The following DCC variants were observed in gnomAD, a reference collection of about 807,000 sequenced individuals.
DCC encodes netrin receptor DCC.
DCC carries 58 observed loss-of-function variants against 172.5 expected under a neutral mutation model. The observed-to-expected ratio is 0.34, with a 90% CI of 0.27 to 0.42. DCC has a LOEUF of 0.42. DCC is among the 10% of genes least tolerant of loss of function. The pLI is 1.00. For missense variants in DCC, 1,740 were observed against 1,791.0 expected, an observed-to-expected ratio of 0.97 and a Z score of 0.51; for synonymous variants, 709 against 644.5, an observed-to-expected ratio of 1.10 and a Z score of -1.52.
chr18:52,572,371 C>T (rs2033319933), intron 1 of DCC, among the ~76,000 whole-genome samples: 1 of 152,070 alleles, frequency 6.6e-6, no homozygotes, highest in Non-Finnish European at 1.5e-5. Flanking sequence ...TTAAACTACT[C>T]TGTTTTTCCA....
intron 1 of DCC, among the ~76,000 whole-genome samples, chr18:52,412,144 G>A (rs925294151): frequency 5.9e-5 from 9 of 151,922 alleles, no homozygotes; most frequent in Admixed American, 2.6e-4. Flanking sequence ...GTATACAAAT[G>A]TATATCATTA....
At chr18:52,477,824 C>G (rs1177969125) in intron 1 of DCC, among the ~76,000 whole-genome samples, 1 of 152,080 alleles carries the variant, frequency 6.6e-6, no homozygotes, top group Non-Finnish European at 1.5e-5. Context: ...CCTCCTCTTT[C>G]CCCAATAAAC....
At chr18:53,315,361 A>G (rs2057331292) in intron 13 of DCC, among the ~76,000 whole-genome samples, 1 of 152,192 alleles carries the variant, frequency 6.6e-6, no homozygotes, top group South Asian at 2.1e-4. Context: ...GCAGTCTATC[A>G]TTGATGGGCA....
chr18:52,861,011 CAAAAA>C (rs74178687), intron 2 of DCC, among the ~76,000 whole-genome samples: 30 of 120,954 alleles, frequency 2.5e-4, no homozygotes, highest in Middle Eastern at 4.5e-3. Context: ...GAATCCATTT[CAAAAA>C]AAAAAAAAAA....
At chr18:52,504,570 G>T (rs2144634314) in intron 1 of DCC, among the ~76,000 whole-genome samples, 1 of 152,270 alleles carries the variant, frequency 6.6e-6, no homozygotes, top group African/African-American at 2.4e-5. Flanking sequence ...GGCTTGGTTG[G>T]GATCCCTGGC....
chr18:53,431,752 G>A (rs531848112), intron 21 of DCC, among the ~76,000 whole-genome samples: 87 of 152,138 alleles, frequency 5.7e-4, no homozygotes, highest in African/African-American at 2.0e-3. Context: ...CCAAAGTTCT[G>A]GGATTACAGG....
intron 1 of DCC, among the ~76,000 whole-genome samples, chr18:52,456,705 G>A (rs943820905): frequency 3.2e-4 from 49 of 152,226 alleles, no homozygotes; most frequent in African/African-American, 1.2e-3. Context: ...AGCTGATGAC[G>A]GTGTGTTGAA....
intron 1 of DCC, among the ~76,000 whole-genome samples, chr18:52,673,274 A>G (rs1013540630): frequency 6.6e-6 from 1 of 152,172 alleles, no homozygotes; most frequent in African/African-American, 2.4e-5. Flanking sequence ...TTCTGCTTCA[A>G]ATTGAATCTA....
chr18:53,410,749 C>T (rs1183391229), intron 20 of DCC, 103 bp downstream of exon 20: 1 of 772,874 alleles, frequency 1.3e-6, no homozygotes, highest in African/African-American at 1.7e-5. Context: ...CTATTAGCAA[C>T]ATGGCTGCAG....
At chr18:53,188,321 A>C (rs1025975255) in intron 9 of DCC, among the ~76,000 whole-genome samples, 3 of 152,210 alleles carry the variant, frequency 2.0e-5, no homozygotes, top group Non-Finnish European at 4.4e-5. Flanking sequence ...CAATAATGGC[A>C]GTTTCTCTTC....
chr18:53,370,595 T>C (rs552419892), intron 15 of DCC, among the ~76,000 whole-genome samples: 90 of 152,020 alleles, frequency 5.9e-4, no homozygotes, highest in African/African-American at 2.2e-3. Flanking sequence ...TTCACTTGGT[T>C]CCATGTATTT....
chr18:52,899,115 G>GA (rs891708475), intron 2 of DCC, among the ~76,000 whole-genome samples: 4 of 151,824 alleles, frequency 2.6e-5, no homozygotes, highest in South Asian at 2.1e-4. Context: ...CTGCTTTCCT[G>GA]AAAAAAATCA....
intron 5 of DCC, among the ~76,000 whole-genome samples, chr18:52,947,358 T>C (rs2040564438): frequency 6.6e-6 from 1 of 152,218 alleles, no homozygotes; most frequent in African/African-American, 2.4e-5. Flanking sequence ...ACTCCTTATA[T>C]TGTCCAAATC....
intron 1 of DCC, among the ~76,000 whole-genome samples, chr18:52,450,429 T>C (rs1185169764): frequency 1.3e-5 from 2 of 152,222 alleles, no homozygotes; most frequent in Admixed American, 6.5e-5. Context: ...TGTAGTTTGT[T>C]CTGGGAAGGT....
At chr18:52,946,622 T>C (rs979164529) in intron 5 of DCC, among the ~76,000 whole-genome samples, 1 of 152,172 alleles carries the variant, frequency 6.6e-6, no homozygotes, top group African/African-American at 2.4e-5. Flanking sequence ...TTTCTTTCCA[T>C]GGTGATAGCA....
intron 3 of DCC, among the ~76,000 whole-genome samples, chr18:52,912,445 T>G (rs2039983340): frequency 6.6e-6 from 1 of 152,094 alleles, no homozygotes; most frequent in Admixed American, 6.6e-5. Flanking sequence ...CTACTGGTAG[T>G]TCATTACACA....
In DCC at chr18:53,486,976, C is replaced by G. The variant is rs2045908649; in HGVS notation, c.3898+18C>G. 1 of 1,613,932 alleles carries G rather than the reference C, an allele frequency of 6.2e-7. No homozygotes were observed. Among genetic ancestry groups the G allele is most frequent in the Non-Finnish European group, 8.5e-7 (1 of 1,179,952 alleles). On this transcript the variant is annotated intron_variant, in intron 26 of 28. Transcript: ENST00000442544. ...AAGTCAGTGTAATGCATTTTCCTCTCTTTTTAATAAGCACAAATGAATAAT... is the reference window on the plus strand; with the variant it reads ...AAGTCAGTGTAATGCATTTTCCTCTGTTTTTAATAAGCACAAATGAATAAT...
intron 2 of DCC, among the ~76,000 whole-genome samples, chr18:52,888,751 A>C (rs564570169): frequency 1.3e-5 from 2 of 152,198 alleles, no homozygotes; most frequent in East Asian, 3.9e-4. Context: ...CACTGGTTTT[A>C]ATAGTTTACC....
At chr18:52,504,423 G>T (rs1252155317) in intron 1 of DCC, among the ~76,000 whole-genome samples, 1 of 152,100 alleles carries the variant, frequency 6.6e-6, no homozygotes, top group Non-Finnish European at 1.5e-5. Flanking sequence ...TTTCTTGAGG[G>T]AGCAGGAAGC....
Sources: allele counts gnomAD v4.1 joint callset (sites outside exome capture counted in the v4.1 genomes callset), GRCh38; gene constraint gnomAD v4.1.1; transcripts MANE v1.5; gene names NCBI Gene and HGNC (gene_info 2026-07-23, HGNC 2026-07-21).